KCNN1: variants seen among roughly 807,000 people sequenced by gnomAD.
KCNN1 encodes potassium calcium-activated channel subfamily N member 1.
Under a neutral mutation model 44.7 loss-of-function variants are expected in KCNN1, and 20 were observed. The ratio of observed to expected loss-of-function variants is 0.45; its 90% CI spans 0.32 to 0.65. KCNN1 has a LOEUF of 0.65. KCNN1 is among the 30% of genes least tolerant of loss of function. The pLI is 0.05. For missense variants in KCNN1, 632 were observed against 785.3 expected (o/e 0.80, Z 2.33); for synonymous variants, 324 against 341.7 (o/e 0.95, Z 0.57).
At chr19:17,979,162 C>T (rs2145938648) in intron 3 of KCNN1, among the ~76,000 whole-genome samples, 1 of 142,554 alleles carries the variant, frequency 7.0e-6, no homozygotes, top group South Asian at 2.3e-4. Flanking sequence ...AAAAAAAAGG[C>T]CGGGCTCACG....
intron 4 of KCNN1, 130 bp from the exon 5 acceptor site, chr19:17,985,182 C>G (rs1470424867): frequency 4.7e-6 from 4 of 853,712 alleles, no homozygotes; most frequent in Non-Finnish European, 6.8e-6. Flanking sequence ...CCTGTACCCA[C>G]AGGACATAGC....
intron 6 of KCNN1, among the ~76,000 whole-genome samples, chr19:17,989,474 CAAAA>C (rs2032713736): frequency 2.0e-5 from 3 of 151,302 alleles, no homozygotes; most frequent in Non-Finnish European, 2.9e-5. Flanking sequence ...AACAAACAAA[CAAAA>C]AACATTAAAA....
intron 7 of KCNN1, among the ~76,000 whole-genome samples, chr19:17,990,389 T>G (rs1599376056): frequency 7.1e-6 from 1 of 140,526 alleles, no homozygotes. Flanking sequence ...GAGGCTGAGG[T>G]GGAAGGATCA....
In KCNN1 at chr19:17,993,106, G is replaced by A. The variant is rs762619162; in HGVS notation, c.1307+44G>A. ...GCTTGGTGGGGCTGGGAAATCGGGG[G>A]TGCATGGTGGTCACAGACAGGGGGT... is the stretch of plus-strand genomic sequence containing the variant. On this transcript the variant is annotated intron_variant, in intron 8 of 9. Coordinates refer to ENST00000684775, the MANE Select transcript of KCNN1 (RefSeq NM_001386974.1). This position sits in a 1 kb window ranked among gnomAD's most constrained non-coding sequence, Gnocchi z 4.5. 74 of 1,612,424 alleles carry A rather than the reference G, an allele frequency of 4.6e-5. No homozygotes were observed. In the Admixed American group the frequency reaches 1.2e-3, roughly 27 times the overall value.
chr19:17,963,691 A>C (rs1038230911), upstream of KCNN1, among the ~76,000 whole-genome samples: 2 of 150,220 alleles, frequency 1.3e-5, no homozygotes, highest in African/African-American at 4.9e-5. Flanking sequence ...TAGTTCTTTC[A>C]ACTTTTTTGG....
Position 17,973,991 on chromosome 19 carries a change from C to A in KCNN1, c.103C>A (p.Gln35Lys). The A allele has an allele frequency of 6.3e-7, 1 of 1,581,588 alleles. No individual in the cohort carries two copies. Among genetic ancestry groups the A allele is most frequent in the Non-Finnish European group, 8.6e-7 (1 of 1,165,640 alleles). ...PPDPEAGHPPQPPHSPGLQVV... is the reference protein window; with the variant it reads ...PPDPEAGHPPKPPHSPGLQVV... Reference sequence around the variant, plus strand: ...GGACCCTGAGGCCGGCCACCCCCCACAACCCCCGCACAGCCCGGGCCTCCA... The same window carrying A: ...GGACCCTGAGGCCGGCCACCCCCCAAAACCCCCGCACAGCCCGGGCCTCCA... Residue 35 changes from glutamine (Q) to lysine (K), a missense_variant, in exon 2 of 10, where the codon CAA (glutamine) becomes AAA (lysine). Physicochemically the swap from Gln to Lys is moderately conservative, Grantham distance 53. This residue lies in a region of KCNN1 where 235 missense variants were observed against 224.0 expected (regional missense o/e 1.05). Transcript: ENST00000684775.
Position 17,967,183 on chromosome 19 carries a change from C to T in KCNN1, c.-216C>T, listed in dbSNP as rs1319826937. ...GCCGCCGCCGCCCCCGGCCCCGCCG[C>T]CCCCGGGCCCCGCGCCCGCTCGCTG... On this transcript the variant is annotated 5_prime_UTR_variant, in exon 1 of 10. Transcript: ENST00000684775. 5.3e-6 allele frequency: 5 copies of T among 939,630 alleles called. No individual in the cohort carries two copies. The highest frequency in any genetic ancestry group is 6.3e-6 in the Non-Finnish European group (5 of 790,528). The allele number at this position is 939,630 out of a possible 1,614,324, so 58.2% of individuals were successfully genotyped here. A position where few individuals can be genotyped will look rare whatever the true frequency, so the allele number is the denominator to read the frequency against.
At chr19:17,959,545 C>T (rs1192187213) in intron 2 of KCNN1, among the ~76,000 whole-genome samples, 1 of 151,906 alleles carries the variant, frequency 6.6e-6, no homozygotes, top group Non-Finnish European at 1.5e-5. Flanking sequence ...TGTGAGCCAC[C>T]GCACCCGGTT....
chr19:17,974,118 C>T lies in KCNN1; in HGVS notation c.230C>T (p.Ala77Val). ...DDDEDDEEDE[A>V]GRQRASGKPS... Reference sequence around the variant, plus strand: ...GACGAGGATGATGAGGAAGATGAGGCCGGCAGGCAGAGAGCCTCGGGGAAA... The same window carrying T: ...GACGAGGATGATGAGGAAGATGAGGTCGGCAGGCAGAGAGCCTCGGGGAAA... The change falls in exon 2 of 10, where the codon GCC becomes GTC. Residue 77 changes from alanine (A) to valine (V), a missense_variant. By Grantham distance (64) the Ala-to-Val change is moderately conservative (BLOSUM62 0). Transcript: ENST00000684775. This position sits in a 1 kb window ranked among gnomAD's most constrained non-coding sequence, Gnocchi z 7.3. 1 of 1,612,706 alleles carries T rather than the reference C, an allele frequency of 6.2e-7. No individual in the cohort carries two copies. Among genetic ancestry groups the T allele is most frequent in the South Asian group, 1.1e-5 (1 of 91,088 alleles).
In KCNN1 at chr19:17,980,432, C is replaced by G. The variant is rs564256695; in HGVS notation, c.499-1277C>G. On this transcript the variant is annotated intron_variant, in intron 3 of 9. Coordinates refer to ENST00000684775, the MANE Select transcript of KCNN1 (RefSeq NM_001386974.1). Reference sequence around the variant, plus strand: ...TAGTGCCGTTGTGAATGTGTCTGTCCAAGCGTTTGCTTAAACACTTGTTTT... The same window carrying G: ...TAGTGCCGTTGTGAATGTGTCTGTCGAAGCGTTTGCTTAAACACTTGTTTT... Among the ~76,000 whole-genome samples the G allele has an allele frequency of 5.5e-4, 84 of 151,764 alleles. 2 individuals carry two copies. In the South Asian group the frequency reaches 0.017, roughly 31 times the overall value.
intron 7 of KCNN1, 97 bp downstream of exon 7, chr19:17,989,940 G>A: frequency 6.3e-7 from 1 of 1,580,018 alleles, no homozygotes; most frequent in Non-Finnish European, 8.7e-7. Context: ...TCCCTGCCAG[G>A]GACGGGTGGT....
intron 2 of KCNN1, among the ~76,000 whole-genome samples, chr19:17,957,458 G>A (rs1318908649): frequency 1.3e-5 from 2 of 152,128 alleles, no homozygotes; most frequent in Non-Finnish European, 2.9e-5. Context: ...GAAGCCTCTT[G>A]TAAAAGTCAG....
chr19:17,963,079 T>C (rs1292430022), upstream of KCNN1, among the ~76,000 whole-genome samples: 1 of 135,660 alleles, frequency 7.4e-6, no homozygotes. Flanking sequence ...GCGATCTCGG[T>C]TCACTGCAAG....
chr19:17,985,214 C>T, intron 4 of KCNN1, 98 bp from the exon 5 acceptor site: 2 of 1,258,686 alleles, frequency 1.6e-6, no homozygotes, highest in Non-Finnish European at 2.1e-6. Flanking sequence ...GAGGTGGACT[C>T]AGGGCCCTCC....
chr19:18,000,004 T>C lies in KCNN1; in HGVS notation c.*1598T>C, dbSNP rs957821069. On this transcript the variant is annotated 3_prime_UTR_variant, in exon 10 of 10. Coordinates refer to ENST00000684775, the MANE Select transcript of KCNN1 (RefSeq NM_001386974.1). ...TCTGTAAAATGGGGTGACAGTCTAT[T>C]TAACCAGAACTCCCTAAAAAGGGCC... 1 of 455,854 alleles carries C rather than the reference T, an allele frequency of 2.2e-6. No individual in the cohort carries two copies. The highest frequency in any genetic ancestry group is 2.4e-5 in the Admixed American group (1 of 42,538). 28.2% of individuals were successfully genotyped at this position (455,854 alleles called of 1,614,324 possible).
Position 17,983,013 on chromosome 19 carries a change from CA to C in KCNN1, c.917+898del, listed in dbSNP as rs10574788. ...TGAGATTGCGCCACTGCACTCCAGT[CA>C]AAAAAAAAAAAGACAAATAAATGGG... On this transcript the variant is annotated intron_variant, in intron 4 of 9. Transcript: ENST00000684775. The surrounding 1 kb of genome is among the most constrained non-coding windows in gnomAD (Gnocchi z 4.5). 0.35 allele frequency among the ~76,000 whole-genome samples: 50,862 copies of C among 144,576 alleles called. 8,891 individuals carry two copies. Among genetic ancestry groups the C allele is most frequent in the African/African-American group, 0.46 (18,299 of 39,654 alleles). 94.8% of individuals were successfully genotyped at this position (144,576 alleles called of 152,430 possible).
At chr19:17,981,531 G>A (rs1378914412) in intron 3 of KCNN1, among the ~76,000 whole-genome samples, 178 bp from the exon 4 acceptor site, 2 of 142,944 alleles carry the variant, frequency 1.4e-5, no homozygotes, top group Non-Finnish European at 3.0e-5. Context: ...CAGCCTGGGC[G>A]ATAAGAGCAA....
At chr19:17,996,019 G>T (rs1316301553) in intron 9 of KCNN1, among the ~76,000 whole-genome samples, 2 of 151,958 alleles carry the variant, frequency 1.3e-5, no homozygotes, top group African/African-American at 4.8e-5. Flanking sequence ...GTAAGGTATG[G>T]TAGAGAAAGG....
intron 9 of KCNN1, among the ~76,000 whole-genome samples, chr19:17,997,183 C>A (rs11672289): frequency 6.6e-6 from 1 of 152,160 alleles, no homozygotes; most frequent in East Asian, 1.9e-4. Flanking sequence ...TCTGTGATTG[C>A]GTCAGATTCT....
Sources: allele counts gnomAD v4.1 joint callset (sites outside exome capture counted in the v4.1 genomes callset), GRCh38; gene constraint gnomAD v4.1.1; regional missense constraint gnomAD v4.1.1; non-coding constraint Gnocchi (gnomAD v3.1); transcripts MANE v1.5; gene names NCBI Gene and HGNC (gene_info 2026-07-23, HGNC 2026-07-21).